The following HYDIN variants were observed in gnomAD, a reference collection of about 807,000 sequenced individuals.
The protein encoded by HYDIN is axonemal central pair apparatus protein HYDIN.
Under a neutral mutation model 403.9 loss-of-function variants are expected in HYDIN, and 132 were observed. That is an observed-to-expected ratio of 0.33 (90% CI 0.28 to 0.38). The LOEUF is 0.38. HYDIN is among the 10% of genes least tolerant of loss of function. The pLI is 1.00. For synonymous variants in HYDIN, 1,202 were observed against 1,891.7 expected (o/e 0.64, Z 9.46); for missense variants, 2,827 against 5,009.5 (o/e 0.56, Z 13.15).
chr16:71,214,920 CTCTGTCTCCTTGGCAGAGA>C (rs2088800114), intron 1 of HYDIN, among the ~76,000 whole-genome samples: 1 of 152,194 alleles, frequency 6.6e-6, no homozygotes. Flanking sequence ...TAGACTCAGG[CTCTGTCTCCTTGGCAGAGA>C]TCCAGGATAA....
At position 70,928,178 on chromosome 16, in the gene HYDIN, A is replaced by G. The variant is rs538802414; in HGVS notation, c.7159-6961T>C. Among the ~76,000 whole-genome samples, 8 of 152,338 alleles carry G rather than the reference A, an allele frequency of 5.3e-5. No homozygotes were observed. In the East Asian group the frequency reaches 1.5e-3, roughly 29 times the overall value. On this transcript the variant is annotated intron_variant, in intron 45 of 85. Coordinates refer to ENST00000393567, the MANE Select transcript of HYDIN (RefSeq NM_001270974.2). Reference sequence around the variant, plus strand: ...AAAAATATATAGTGAGAATTCAAATACATAACTACATTAGCATATAATTTA... The same window carrying G: ...AAAAATATATAGTGAGAATTCAAATGCATAACTACATTAGCATATAATTTA...
intron 77 of HYDIN, among the ~76,000 whole-genome samples, chr16:70,837,366 G>C (rs1407173617): frequency 6.6e-6 from 1 of 151,976 alleles, no homozygotes; most frequent in African/African-American, 2.4e-5. Flanking sequence ...GGAGGAAAAG[G>C]ATATACTTGG....
At chr16:71,134,298 A>G (rs972556083) in intron 8 of HYDIN, among the ~76,000 whole-genome samples, 3 of 151,350 alleles carry the variant, frequency 2.0e-5, no homozygotes, top group Non-Finnish European at 4.4e-5. Context: ...AAAATGCTAG[A>G]AAAACAGTGG....
At chr16:71,059,159 AT>A (rs1220698198) in intron 18 of HYDIN, among the ~76,000 whole-genome samples, 1 of 152,096 alleles carries the variant, frequency 6.6e-6, no homozygotes, top group Non-Finnish European at 1.5e-5. Flanking sequence ...ATTAGGACCC[AT>A]TTGTCAATTT....
chr16:71,194,248 T>C (rs76919028), intron 1 of HYDIN, among the ~76,000 whole-genome samples: 54 of 152,018 alleles, frequency 3.6e-4, no homozygotes, highest in African/African-American at 1.2e-3. Context: ...CCATCTCTAC[T>C]AAAAATACAA....
At chr16:71,066,916 T>C (rs2082289867) in intron 15 of HYDIN, 3 of 599,600 alleles carry the variant, frequency 5.0e-6, no homozygotes, top group Non-Finnish European at 9.4e-6. Flanking sequence ...CACCTTCCTA[T>C]TGCATAACTC....
intron 13 of HYDIN, among the ~76,000 whole-genome samples, chr16:71,077,427 A>C (rs1269966608): frequency 1.3e-5 from 2 of 152,138 alleles, no homozygotes; most frequent in Non-Finnish European, 2.9e-5. Flanking sequence ...GATATATTTA[A>C]AAATCTACTT....
At chr16:70,890,744 C>T (rs2041416506) in intron 57 of HYDIN, among the ~76,000 whole-genome samples, 2 of 151,962 alleles carry the variant, frequency 1.3e-5, no homozygotes, top group African/African-American at 4.8e-5. Context: ...TGACAGCCTC[C>T]TTTTGAAGAA....
intron 83 of HYDIN, among the ~76,000 whole-genome samples, chr16:70,823,879 G>A (rs898901400): frequency 6.9e-6 from 1 of 145,478 alleles, no homozygotes; most frequent in Non-Finnish European, 1.5e-5. Context: ...GGCGGCTGCT[G>A]TGCTTTGCTT....
chr16:70,946,450 C>A (rs1157236283), intron 41 of HYDIN, among the ~76,000 whole-genome samples: 1 of 151,682 alleles, frequency 6.6e-6, no homozygotes, highest in Non-Finnish European at 1.5e-5. Flanking sequence ...AAATTAAGAT[C>A]CTTCAGGAGA....
intron 18 of HYDIN, among the ~76,000 whole-genome samples, chr16:71,032,358 G>T: frequency 7.2e-6 from 1 of 139,694 alleles, no homozygotes; most frequent in Non-Finnish European, 1.5e-5. Flanking sequence ...TTTTTCAAAT[G>T]CAAAATTTCT....
In HYDIN at chr16:70,802,307, A is replaced by C. The variant is rs552666141; in HGVS notation, c.*5273T>G. ...GACTTGTAAATATGATGGGCTATGC[A>C]TCACTCACATGATTATATTATGTAA... is the stretch of plus-strand genomic sequence containing the variant. On this transcript the variant is annotated 3_prime_UTR_variant, in exon 86 of 86. Coordinates refer to ENST00000393567, the MANE Select transcript of HYDIN (RefSeq NM_001270974.2). The C allele has an allele frequency of 1.2e-4, 18 of 152,348 alleles. No individual in the cohort carries two copies. The highest frequency in any genetic ancestry group is 3.3e-4 in the Admixed American group (5 of 15,302). The allele number at this position is 152,348 out of a possible 1,614,324, so 9.4% of individuals were successfully genotyped here.
intron 6 of HYDIN, among the ~76,000 whole-genome samples, chr16:71,154,515 AT>A (rs1388034732): frequency 7.7e-6 from 1 of 129,754 alleles, no homozygotes; most frequent in Non-Finnish European, 1.6e-5. Flanking sequence ...TTTTCTAACT[AT>A]TTTTTAATAC....
intron 18 of HYDIN, among the ~76,000 whole-genome samples, chr16:71,034,103 C>G (rs571874600): frequency 0.017 from 2,647 of 151,602 alleles, 64 homozygotes; most frequent in African/African-American, 0.06. Flanking sequence ...GAGTTTGGTA[C>G]CGCAGAAGAA....
chr16:71,002,725 T>C (rs1182147438), intron 23 of HYDIN, among the ~76,000 whole-genome samples: 11 of 150,212 alleles, frequency 7.3e-5, no homozygotes, highest in Admixed American at 6.6e-4. Flanking sequence ...TTGCCCAGGC[T>C]GGAGTGCAGT....
At chr16:70,812,524 T>C (rs2035574166) in intron 84 of HYDIN, among the ~76,000 whole-genome samples, 1 of 152,044 alleles carries the variant, frequency 6.6e-6, no homozygotes, top group African/African-American at 2.4e-5. Flanking sequence ...TTGTAAAAGA[T>C]GATGGGGTAC....
intron 7 of HYDIN, among the ~76,000 whole-genome samples, chr16:71,149,395 TGAC>T (rs771984076): frequency 6.9e-4 from 103 of 149,428 alleles, no homozygotes; most frequent in Admixed American, 1.5e-3. Context: ...AAGCATATGA[TGAC>T]TATATCACTC....
At chr16:71,092,744 G>T (rs575510810) in intron 11 of HYDIN, among the ~76,000 whole-genome samples, 5 of 131,986 alleles carry the variant, frequency 3.8e-5, no homozygotes, top group Admixed American at 7.9e-5. Context: ...ACATGCCCTG[G>T]TAATTTTTGT....
chr16:71,003,017 G>A (rs1275582324), intron 23 of HYDIN, among the ~76,000 whole-genome samples: 2 of 152,044 alleles, frequency 1.3e-5, no homozygotes, highest in Admixed American at 6.6e-5. Flanking sequence ...ATGACATATT[G>A]TTTCTGGATC....
Sources: allele counts gnomAD v4.1 joint callset (sites outside exome capture counted in the v4.1 genomes callset), GRCh38; gene constraint gnomAD v4.1.1; transcripts MANE v1.5; gene names NCBI Gene and HGNC (gene_info 2026-07-23, HGNC 2026-07-21).